PRDM6: variants seen among roughly 807,000 people sequenced by gnomAD.
PRDM6 encodes putative histone-lysine N-methyltransferase PRDM6.
A neutral mutation model predicts 60.8 loss-of-function variants in PRDM6; 25 were observed. The ratio of observed to expected loss-of-function variants is 0.41; its 90% CI spans 0.30 to 0.57. The LOEUF (loss-of-function observed/expected upper bound fraction) is 0.57, where lower values mean the gene tolerates loss of function less well. Ranked by LOEUF, PRDM6 falls within the 20% of genes least tolerant of loss-of-function variation. PRDM6 has a pLI of 0.27. For missense variants in PRDM6, 839 were observed against 821.3 expected (o/e 1.02, Z -0.26); for synonymous variants, 407 against 357.4 (o/e 1.14, Z -1.57).
At chr5:123,096,277 T>C (rs1369916062) in intron 2 of PRDM6, among the ~76,000 whole-genome samples, 1 of 146,592 alleles carries the variant, frequency 6.8e-6, no homozygotes, top group South Asian at 2.2e-4. Flanking sequence ...TCTGTGTGTG[T>C]ATATATAATA....
chr5:123,143,809 TA>T (rs1231504534), intron 3 of PRDM6, among the ~76,000 whole-genome samples: 1 of 152,226 alleles, frequency 6.6e-6, no homozygotes, highest in East Asian at 1.9e-4. Flanking sequence ...TGGTATACTT[TA>T]AATGTTTACC....
intron 3 of PRDM6, among the ~76,000 whole-genome samples, chr5:123,111,707 C>A (rs372296489): frequency 0.012 from 1,204 of 103,646 alleles, 13 homozygotes; most frequent in African/African-American, 0.036. Flanking sequence ...CAAAACAAAA[C>A]AAAAAAAAAA....
intron 4 of PRDM6, among the ~76,000 whole-genome samples, chr5:123,158,501 A>G (rs963154914): frequency 6.6e-6 from 1 of 152,212 alleles, no homozygotes; most frequent in Non-Finnish European, 1.5e-5. Flanking sequence ...AAATAACAAG[A>G]TAAATGAAAT....
chr5:123,180,105 A>G, intron 6 of PRDM6, 42 bp from the exon 7 acceptor site: 1 of 1,489,466 alleles, frequency 6.7e-7, no homozygotes, highest in Non-Finnish European at 9.0e-7. Context: ...CCACTGACCA[A>G]CGCAGAAAAC....
intron 3 of PRDM6, among the ~76,000 whole-genome samples, chr5:123,111,183 T>C (rs1764304270): frequency 6.6e-6 from 1 of 152,236 alleles, no homozygotes; most frequent in South Asian, 2.1e-4. Flanking sequence ...GTTACAATGG[T>C]AAGTTTTGTG....
At chr5:123,106,926 C>T (rs986710428) in intron 3 of PRDM6, among the ~76,000 whole-genome samples, 16 of 152,242 alleles carry the variant, frequency 1.1e-4, no homozygotes, top group Admixed American at 8.5e-4. Flanking sequence ...CAAGCACATT[C>T]CCTGACATCT....
At chr5:123,119,803 G>A (rs1764540742) in intron 3 of PRDM6, among the ~76,000 whole-genome samples, 1 of 152,104 alleles carries the variant, frequency 6.6e-6, no homozygotes, top group Non-Finnish European at 1.5e-5. Flanking sequence ...TCTTTTGTTT[G>A]GAAATTAAGC....
At chr5:123,121,786 C>T (rs769906815) in intron 3 of PRDM6, among the ~76,000 whole-genome samples, 1 of 151,272 alleles carries the variant, frequency 6.6e-6, no homozygotes, top group Non-Finnish European at 1.5e-5. Flanking sequence ...AAAACAAAGT[C>T]TTCACATTGT....
At position 123,124,426 on chromosome 5, in the gene PRDM6, C is replaced by CG. The variant is rs565078206; in HGVS notation, c.900+24468dup. Among the ~76,000 whole-genome samples, 45 of 152,244 alleles carry CG rather than the reference C, an allele frequency of 3.0e-4. No individual in the cohort carries two copies. The East Asian group carries it at 8.1e-3, about 27-fold the overall frequency. The stretch of plus-strand genomic sequence containing the variant: ...AGTGTTTTTATGGAACAGACAGACA[C>CG]GGGAAGTTTGGTTCTAAAGGGCTAA... On this transcript the variant is annotated intron_variant, in intron 3 of 7. Transcript: ENST00000407847.
chr5:123,177,317 A>C (rs1253346888), intron 6 of PRDM6, among the ~76,000 whole-genome samples: 1 of 152,208 alleles, frequency 6.6e-6, no homozygotes, highest in African/African-American at 2.4e-5. Context: ...TGTACTTTCT[A>C]AGGGCTAACT....
chr5:123,148,647 T>C lies in PRDM6; in HGVS notation c.901-7237T>C, dbSNP rs76636159. ...TATGACACATTGCGATAAGCAGAAA[T>C]GGGGATTTGTGTCTTTATCCATTGC... On this transcript the variant is annotated intron_variant, in intron 3 of 7. Transcript: ENST00000407847. Among the ~76,000 whole-genome samples the C allele has an allele frequency of 6.4e-4, 97 of 152,156 alleles. 1 individual carries two copies. The East Asian group carries it at 0.016, about 26-fold the overall frequency.
rs768453268 is a variant in PRDM6, at chr5:123,090,236, C to T, written c.222C>T (p.Ala74=). 9 of 1,478,554 alleles carry T rather than the reference C, an allele frequency of 6.1e-6. No homozygotes were observed. In the South Asian group the frequency reaches 1.0e-4, roughly 17 times the overall value. 91.6% of individuals were successfully genotyped at this position (1,478,554 alleles called of 1,614,324 possible). A position where few individuals can be genotyped will look rare whatever the true frequency, so the allele number is the denominator to read the frequency against. Residue 74 remains alanine, a synonymous_variant, in exon 2 of 8, where the codon GCC becomes GCT. Coordinates refer to ENST00000407847, the MANE Select transcript of PRDM6 (RefSeq NM_001136239.4). ...CGGACAGCCTGCGCCCGCGGCCCGC[C>T]TCTCTCTCCTCCGCCTCGTCCACGC... is the stretch of plus-strand genomic sequence containing the variant. ...PPPDSLRPRP[A]SLSSASSTPA... is the part of the protein sequence containing the mutation.
chr5:123,192,674 G>C lies in PRDM6; in HGVS notation c.*5473G>C, dbSNP rs1015633417. On this transcript the variant is annotated 3_prime_UTR_variant, in exon 8 of 8. Coordinates refer to ENST00000407847, the MANE Select transcript of PRDM6 (RefSeq NM_001136239.4). ...AGGACAAATGGCAACAGGCAGGAAG[G>C]GCAGGTTGTGTTGGAGGGTGGCCAG... 1 of 152,200 alleles carries C rather than the reference G, an allele frequency of 6.6e-6. No homozygotes were observed. Among genetic ancestry groups the C allele is most frequent in the Non-Finnish European group, 1.5e-5 (1 of 68,042 alleles). 9.4% of individuals were successfully genotyped at this position (152,200 alleles called of 1,614,324 possible). A position where few individuals can be genotyped will look rare whatever the true frequency, so the allele number is the denominator to read the frequency against.
chr5:123,125,091 G>A (rs426905), intron 3 of PRDM6, among the ~76,000 whole-genome samples: 131,124 of 144,178 alleles, frequency 0.91, 59,826 homozygotes, highest in East Asian at 0.99. Context: ...CTTGTGTTGC[G>A]TTTTTCTGAA....
chr5:123,185,811 C>T (rs1766275377), intron 7 of PRDM6, among the ~76,000 whole-genome samples: 1 of 152,140 alleles, frequency 6.6e-6, no homozygotes, highest in Admixed American at 6.5e-5. Context: ...AGACAGGGCA[C>T]TTAATATAAT....
At chr5:123,186,579 A>T (rs1340361561) in intron 7 of PRDM6, among the ~76,000 whole-genome samples, 1 of 152,214 alleles carries the variant, frequency 6.6e-6, no homozygotes, top group Non-Finnish European at 1.5e-5. Flanking sequence ...GACCACGCCT[A>T]CTGCCCCTCA....
At position 123,089,994 on chromosome 5, in the gene PRDM6, C is replaced by A. The variant is rs1402407031; in HGVS notation, c.-15-6C>A. The stretch of plus-strand genomic sequence containing the variant: ...GCGCCCCCTCTTCCCTGCCCTCTGC[C>A]CCCAGTTCGAGGCGCCGGACATGCT... On this transcript the variant is annotated splice_region_variant and splice_polypyrimidine_tract_variant and intron_variant, in intron 1 of 7. Transcript: ENST00000407847. The A allele has an allele frequency of 1.3e-6, 2 of 1,538,532 alleles. No homozygotes were observed. Among genetic ancestry groups the A allele is most frequent in the African/African-American group, 2.8e-5 (2 of 71,668 alleles).
At chr5:123,104,001 G>T (rs367656998) in intron 3 of PRDM6, among the ~76,000 whole-genome samples, 14 of 152,018 alleles carry the variant, frequency 9.2e-5, no homozygotes, top group African/African-American at 3.1e-4. Flanking sequence ...GAGTAAATTT[G>T]AGTGTCTCGT....
At position 123,155,904 on chromosome 5, in the gene PRDM6, A is replaced by G. The variant is rs1267673646; in HGVS notation, c.921A>G (p.Thr307=). 2 of 1,551,430 alleles carry G rather than the reference A, an allele frequency of 1.3e-6. No homozygotes were observed. The highest frequency in any genetic ancestry group is 8.7e-7 in the Non-Finnish European group (1 of 1,146,876). Residue 307 remains threonine, a synonymous_variant, in exon 4 of 8, where the codon ACA becomes ACG. Coordinates refer to ENST00000407847, the MANE Select transcript of PRDM6 (RefSeq NM_001136239.4). ...HLWEIYDQDG[T]LQHFIDGGEP... is the part of the protein sequence containing the mutation. The stretch of plus-strand genomic sequence containing the variant: ...TCCAGATATATGACCAGGATGGGAC[A>G]CTACAGCACTTTATTGATGGTGGGG...
Sources: allele counts gnomAD v4.1 joint callset (sites outside exome capture counted in the v4.1 genomes callset), GRCh38; gene constraint gnomAD v4.1.1; transcripts MANE v1.5; gene names NCBI Gene and HGNC (gene_info 2026-07-23, HGNC 2026-07-21).